SEMA6D: variants seen among roughly 807,000 people sequenced by gnomAD.
SEMA6D encodes the protein semaphorin 6D.
SEMA6D carries 35 observed loss-of-function variants against 106.6 expected under a neutral mutation model. That is an observed-to-expected ratio of 0.33 (90% confidence interval 0.25 to 0.44). The LOEUF is 0.44. Ranked by LOEUF, SEMA6D falls within the 20% of genes least tolerant of loss-of-function variation. SEMA6D has a pLI of 1.00. For synonymous variants in SEMA6D, 499 were observed against 487.7 expected (o/e 1.02, Z -0.31); for missense variants, 1,185 against 1,345.9 (o/e 0.88, Z 1.87).
intron 2 of SEMA6D, among the ~76,000 whole-genome samples, chr15:47,446,535 T>C (rs1353580): frequency 6.6e-6 from 1 of 151,968 alleles, no homozygotes; most frequent in African/African-American, 2.4e-5. Flanking sequence ...ATGTTTAAAC[T>C]CTGGTGATCA....
At chr15:47,219,200 G>T (rs1595758520) in intron 1 of SEMA6D, among the ~76,000 whole-genome samples, 2 of 152,258 alleles carry the variant, frequency 1.3e-5, no homozygotes, top group South Asian at 4.1e-4. Flanking sequence ...TTGGATGGCT[G>T]CCATGCACTT....
chr15:47,550,115 T>A (rs1312661668), intron 3 of SEMA6D, among the ~76,000 whole-genome samples: 1 of 152,208 alleles, frequency 6.6e-6, no homozygotes, highest in Non-Finnish European at 1.5e-5. Context: ...AGGTTTTACT[T>A]TTATTATATC....
intron 3 of SEMA6D, among the ~76,000 whole-genome samples, chr15:47,473,725 C>G (rs975615256): frequency 6.6e-6 from 1 of 152,080 alleles, no homozygotes; most frequent in African/African-American, 2.4e-5. Context: ...GCCTGGGGTC[C>G]CCTGGAAGGA....
At chr15:47,478,344 A>G (rs562432519) in intron 3 of SEMA6D, among the ~76,000 whole-genome samples, 137 of 152,336 alleles carry the variant, frequency 9.0e-4, no homozygotes, top group African/African-American at 3.3e-3. Flanking sequence ...ACTTGCATTT[A>G]TTAGTGGTCA....
At chr15:47,273,695 T>G (rs2034666495) in intron 1 of SEMA6D, among the ~76,000 whole-genome samples, 1 of 152,214 alleles carries the variant, frequency 6.6e-6, no homozygotes, top group Non-Finnish European at 1.5e-5. Flanking sequence ...AATGTTATGT[T>G]TCCTAATCAG....
chr15:47,569,545 C>T (rs2046322826), intron 3 of SEMA6D, among the ~76,000 whole-genome samples: 1 of 152,086 alleles, frequency 6.6e-6, no homozygotes, highest in South Asian at 2.1e-4. Flanking sequence ...GGAGACCACA[C>T]AGCAATTCCC....
upstream of SEMA6D, among the ~76,000 whole-genome samples, chr15:47,713,221 T>G (rs1285660059): frequency 6.6e-6 from 1 of 152,144 alleles, no homozygotes; most frequent in Admixed American, 6.5e-5. Flanking sequence ...CCTCAGAGTG[T>G]AGAGCAAAAA....
intron 1 of SEMA6D, among the ~76,000 whole-genome samples, chr15:47,403,748 C>A (rs565022288): frequency 6.6e-6 from 1 of 152,156 alleles, no homozygotes; most frequent in South Asian, 2.1e-4. Flanking sequence ...TAGTCAAAGG[C>A]ACAAGTGGGT....
At chr15:47,536,642 G>T (rs1452726920) in intron 3 of SEMA6D, among the ~76,000 whole-genome samples, 4 of 151,896 alleles carry the variant, frequency 2.6e-5, no homozygotes, top group African/African-American at 9.7e-5. Flanking sequence ...TCTTTTCCAG[G>T]GTAAATATTG....
In SEMA6D at chr15:47,410,652, A is replaced by G. The variant is rs79185429; in HGVS notation, c.-238-1741A>G. On this transcript the variant is annotated intron_variant, in intron 1 of 19. Transcript: ENST00000558014. ...TCTTTGGGGTAGGTGCATTAAAATG[A>G]CCTGTTCTTCTTGAAAATATATAGC... Among the ~76,000 whole-genome samples the G allele has an allele frequency of 1.9e-3, 284 of 152,236 alleles. 2 individuals are homozygous for G. Among genetic ancestry groups the G allele is most frequent in the African/African-American group, 6.5e-3 (270 of 41,540 alleles).
At chr15:47,605,723 G>T (rs1450258802) in intron 4 of SEMA6D, among the ~76,000 whole-genome samples, 1 of 152,124 alleles carries the variant, frequency 6.6e-6, no homozygotes, top group Non-Finnish European at 1.5e-5. Context: ...TTATTATAAA[G>T]GATACAATTC....
intron 3 of SEMA6D, among the ~76,000 whole-genome samples, chr15:47,529,674 C>G (rs2044887644): frequency 6.7e-6 from 1 of 149,182 alleles, no homozygotes; most frequent in Non-Finnish European, 1.5e-5. Flanking sequence ...TTTATTTTCT[C>G]AATATTTAAT....
chr15:47,685,069 G>T (rs995930175), intron 4 of SEMA6D, among the ~76,000 whole-genome samples: 1 of 152,020 alleles, frequency 6.6e-6, no homozygotes, highest in African/African-American at 2.4e-5. Context: ...GAAAAACTCA[G>T]AACATATTCT....
chr15:47,499,256 C>T (rs2043768660), intron 3 of SEMA6D, among the ~76,000 whole-genome samples: 1 of 152,082 alleles, frequency 6.6e-6, no homozygotes, highest in Admixed American at 6.6e-5. Flanking sequence ...CCTCTCTAGT[C>T]CTCTAATCCG....
intron 1 of SEMA6D, among the ~76,000 whole-genome samples, chr15:47,311,823 A>C (rs958757792): frequency 6.6e-6 from 1 of 152,180 alleles, no homozygotes; most frequent in Non-Finnish European, 1.5e-5. Context: ...CTGTGTCTAC[A>C]TGAGGCAAAC....
chr15:47,194,962 C>T (rs959139587), intron 1 of SEMA6D, among the ~76,000 whole-genome samples: 6 of 152,164 alleles, frequency 3.9e-5, no homozygotes, highest in South Asian at 2.1e-4. Context: ...AGGGATCAAC[C>T]GGTGTCAGCA....
At position 47,665,232 on chromosome 15, in the gene SEMA6D, A is replaced by G. The variant is rs527850047; in HGVS notation, c.-55+64336A>G. 4.6e-5 allele frequency among the ~76,000 whole-genome samples: 7 copies of G among 152,274 alleles called. No individual in the cohort carries two copies. In the South Asian group the frequency reaches 1.5e-3, roughly 32 times the overall value. On this transcript the variant is annotated intron_variant, in intron 4 of 19. Coordinates refer to the SEMA6D transcript ENST00000558014. ...TAGGAAGAAAGCAGGGACAAAGAAA[A>G]TCTATTCTCTTTCTTTTTTCTTTGC... is the stretch of plus-strand genomic sequence containing the variant.
intron 1 of SEMA6D, among the ~76,000 whole-genome samples, chr15:47,750,672 G>A (rs1361739446): frequency 6.6e-6 from 1 of 152,154 alleles, no homozygotes; most frequent in African/African-American, 2.4e-5. Flanking sequence ...CATGCCATGG[G>A]GCAGAGTTTT....
intron 3 of SEMA6D, among the ~76,000 whole-genome samples, chr15:47,514,094 CA>C (rs1027571436): frequency 6.6e-6 from 1 of 152,198 alleles, no homozygotes; most frequent in Non-Finnish European, 1.5e-5. Flanking sequence ...TCATTACTTG[CA>C]TGAGTGAGAT....
Sources: gnomAD v4.1 joint callset for allele counts (sites outside exome capture counted in the v4.1 genomes callset) on GRCh38, gnomAD v4.1.1 for gene constraint, MANE v1.5 for transcripts, NCBI Gene and HGNC (gene_info 2026-07-23, HGNC 2026-07-21) for gene names.